MPRIP: variants seen among roughly 807,000 people sequenced by gnomAD.
MPRIP encodes myosin phosphatase Rho-interacting protein.
Under a neutral mutation model 234.9 loss-of-function variants are expected in MPRIP, and 59 were observed. That is an observed-to-expected ratio of 0.25 (90% confidence interval 0.20 to 0.31). The LOEUF is 0.31. Among genes scored for constraint, MPRIP ranks in the 10% least tolerant of loss-of-function variants. The pLI, the probability that MPRIP is intolerant of heterozygous loss-of-function variation, is 1.00. For missense variants in MPRIP, 2,436 were observed against 3,071.0 expected, an observed-to-expected ratio of 0.79 and a Z score of 4.89; for synonymous variants, 1,144 against 1,263.9, an observed-to-expected ratio of 0.91 and a Z score of 2.01.
At chr17:17,170,633 G>A (rs2046112246) in intron 16 of MPRIP, among the ~76,000 whole-genome samples, 1 of 152,236 alleles carries the variant, frequency 6.6e-6, no homozygotes, top group Admixed American at 6.5e-5. Flanking sequence ...AGTGGTGCAG[G>A]CTATCAGCCC....
chr17:17,183,380 T>C (rs1413862347), intron 23 of MPRIP: 1 of 152,222 alleles, frequency 6.6e-6, no homozygotes, highest in Non-Finnish European at 1.5e-5. Context: ...CACGCCCAGC[T>C]AATTTTTTGT....
intron 4 of MPRIP, among the ~76,000 whole-genome samples, chr17:17,128,469 C>T (rs954102157): frequency 2.0e-5 from 3 of 152,200 alleles, no homozygotes; most frequent in Non-Finnish European, 4.4e-5. Context: ...AGCCCCTCTC[C>T]TGGGTCACTT....
intron 1 of MPRIP, among the ~76,000 whole-genome samples, chr17:17,074,341 C>T (rs957549042): frequency 1.3e-5 from 2 of 152,228 alleles, no homozygotes; most frequent in African/African-American, 4.8e-5. Flanking sequence ...GAGTGTCTGT[C>T]TAGATTCCCC....
In MPRIP at chr17:17,164,434, T is replaced by C; in HGVS notation, c.2843T>C (p.Leu948Pro). ...LEERQHSEAA[L>P]SSQLRASEQK... ...GAGCGGCAACACAGCGAGGCGGCGC[T>C]GAGCAGCCAGCTGAGGGCTAGCGAG... Residue 948 changes from leucine to proline, a missense_variant, in exon 16 of 24, where the codon CTG becomes CCG. Leu to Pro is a moderately conservative substitution (Grantham distance 98, BLOSUM62 -3). Transcript: ENST00000651222. 7.9e-7 allele frequency: 1 copy of C among 1,263,100 alleles called. No individual in the cohort carries two copies. The highest frequency in any genetic ancestry group is 1.0e-6 in the Non-Finnish European group (1 of 973,874). The allele number at this position is 1,263,100 out of a possible 1,614,324, so 78.2% of individuals were successfully genotyped here.
intron 22 of MPRIP, chr17:17,179,497 T>C (rs1220832806): frequency 1.3e-5 from 2 of 150,006 alleles, no homozygotes; most frequent in Non-Finnish European, 3.0e-5. Context: ...ATGCACAGGA[T>C]GTGTGATATG....
intron 23 of MPRIP, chr17:17,181,880 G>A (rs1382706489): frequency 6.7e-6 from 1 of 148,248 alleles, no homozygotes; most frequent in Non-Finnish European, 1.5e-5. Flanking sequence ...AGGGATGAGG[G>A]AGCAGACTGT....
At chr17:17,120,503 G>A (rs1488552117) in intron 3 of MPRIP, among the ~76,000 whole-genome samples, 1 of 152,108 alleles carries the variant, frequency 6.6e-6, no homozygotes, top group African/African-American at 2.4e-5. Context: ...TCATCTCTTT[G>A]GAGAGAAGCC....
At chr17:17,101,885 C>T (rs1208241135) in intron 3 of MPRIP, among the ~76,000 whole-genome samples, 1 of 152,164 alleles carries the variant, frequency 6.6e-6, no homozygotes, top group African/African-American at 2.4e-5. Flanking sequence ...CTTGGCTCTA[C>T]ATCCTGATGT....
At chr17:17,111,105 TG>T (rs1305331241) in intron 3 of MPRIP, among the ~76,000 whole-genome samples, 1 of 148,654 alleles carries the variant, frequency 6.7e-6, no homozygotes, top group Non-Finnish European at 1.5e-5. Context: ...TTTCTGTAAA[TG>T]TGAATCTATT....
At position 17,167,754 on chromosome 17, in the gene MPRIP, G is replaced by T. The variant is rs148923934; in HGVS notation, c.6163G>T (p.Ala2055Ser). 9.6e-4 allele frequency: 1,254 copies of T among 1,304,140 alleles called. 26 individuals are homozygous for T. In the East Asian group the frequency reaches 0.046, roughly 48 times the overall value. 80.8% of individuals were successfully genotyped at this position (1,304,140 alleles called of 1,614,324 possible). Residue 2055 changes from alanine to serine, a missense_variant, in exon 16 of 24, where the codon GCC becomes TCC. Coordinates refer to ENST00000651222, the MANE Select transcript of MPRIP (RefSeq NM_001364716.4). This position sits in a 1 kb window ranked among gnomAD's most constrained non-coding sequence, Gnocchi z 5.9. ...GCCAGCCCCTGCCCCCAACTGGCAGGCCACCCAGGGAGAGGCTGACTCCAT... is the reference window on the plus strand; with the variant it reads ...GCCAGCCCCTGCCCCCAACTGGCAGTCCACCCAGGGAGAGGCTGACTCCAT... ...ALPAPAPNWQ[A>S]TQGEADSMTG...
chr17:17,165,373 C>A lies in MPRIP; in HGVS notation c.3782C>A (p.Thr1261Lys), dbSNP rs765718385. 1 of 1,304,084 alleles carries A rather than the reference C, an allele frequency of 7.7e-7. No individual in the cohort carries two copies. The highest frequency in any genetic ancestry group is 1.0e-6 in the Non-Finnish European group (1 of 988,980). 80.8% of individuals were successfully genotyped at this position (1,304,084 alleles called of 1,614,324 possible). ...AGGGCACCTCTAGGCCTCCCACACA[C>A]AAGGCTCGAGGATGAGGACGAGGAC... Reference protein sequence around the residue: ...ATRAPLGLPHTRLEDEDEDLG... With the variant: ...ATRAPLGLPHKRLEDEDEDLG... Residue 1261 changes from threonine to lysine, a missense_variant, in exon 16 of 24, where the codon ACA (threonine) becomes AAA (lysine). Thr to Lys is a moderately conservative substitution (Grantham distance 78, BLOSUM62 -1). Transcript: ENST00000651222.
chr17:17,064,322 G>A (rs1316626969), intron 1 of MPRIP, among the ~76,000 whole-genome samples: 3 of 151,780 alleles, frequency 2.0e-5, no homozygotes, highest in Non-Finnish European at 4.4e-5. Flanking sequence ...CTGCCTCGGC[G>A]TCCCAAGTAG....
At chr17:17,180,514 C>T (rs2046350318) in intron 23 of MPRIP, 1 of 1,155,156 alleles carries the variant, frequency 8.7e-7, no homozygotes, top group Non-Finnish European at 1.3e-6. Context: ...TGTCCAGAGC[C>T]AGCCATGCAC....
At chr17:17,046,048 G>T (rs1343935350) in intron 1 of MPRIP, among the ~76,000 whole-genome samples, 2 of 152,134 alleles carry the variant, frequency 1.3e-5, no homozygotes, top group East Asian at 3.8e-4. Context: ...CTCGTGATCC[G>T]CCTGCCTCGG....
chr17:17,166,019 G>A lies in MPRIP; in HGVS notation c.4428G>A (p.Leu1476=), dbSNP rs1488405257. 1 of 1,304,164 alleles carries A rather than the reference G, an allele frequency of 7.7e-7. No homozygotes were observed. Among genetic ancestry groups the A allele is most frequent in the South Asian group, 1.2e-5 (1 of 80,982 alleles). The allele number at this position is 1,304,164 out of a possible 1,614,324, so 80.8% of individuals were successfully genotyped here. A position where few individuals can be genotyped will look rare whatever the true frequency, so the allele number is the denominator to read the frequency against. Residue 1476 remains leucine (L), a synonymous_variant, in exon 16 of 24, where the codon CTG becomes CTA. Transcript: ENST00000651222. The surrounding 1 kb of genome is among the most constrained non-coding windows in gnomAD (Gnocchi z 4.4). The part of the protein sequence containing the change: ...GDFQVKNSQA[L]MCLENCREQL... ...TCCAGGTCAAGAATAGTCAGGCCCTGATGTGCCTGGAAAATTGCCGAGAAC... is the reference window on the plus strand; with the variant it reads ...TCCAGGTCAAGAATAGTCAGGCCCTAATGTGCCTGGAAAATTGCCGAGAAC...
intron 1 of MPRIP, among the ~76,000 whole-genome samples, 173 bp from the exon 2 acceptor site, chr17:17,075,537 C>G (rs570580820): frequency 3.3e-5 from 5 of 152,248 alleles, no homozygotes; most frequent in Admixed American, 1.3e-4. Context: ...GCAGAATCCC[C>G]GCCAGCCTCT....
At chr17:17,092,872 C>T (rs184480584) in intron 3 of MPRIP, among the ~76,000 whole-genome samples, 5 of 152,284 alleles carry the variant, frequency 3.3e-5, no homozygotes, top group East Asian at 3.9e-4. Flanking sequence ...GTGAGGAGAG[C>T]GCCCCGGCCA....
intron 23 of MPRIP, chr17:17,180,555 G>A (rs373423022): frequency 3.1e-5 from 48 of 1,539,396 alleles, no homozygotes; most frequent in African/African-American, 2.5e-4. Context: ...GAGCGGCACC[G>A]CGTGTGTTTG....
Position 17,052,337 on chromosome 17 carries a change from T to C in MPRIP, c.123+9366T>C, listed in dbSNP as rs575168868. ...TAGGGAGATTGGTATATTGCAGTGC[T>C]GCAGAATAAATCACAGCTGTTTCCT... On this transcript the variant is annotated intron_variant, in intron 1 of 23. Transcript: ENST00000651222. Among the ~76,000 whole-genome samples, 33 of 152,344 alleles carry C rather than the reference T, an allele frequency of 2.2e-4. No homozygotes were observed. The South Asian group carries it at 6.6e-3, about 31-fold the overall frequency.
Sources: gnomAD v4.1 joint callset for allele counts (sites outside exome capture counted in the v4.1 genomes callset) on GRCh38, gnomAD v4.1.1 for gene constraint, Gnocchi (gnomAD v3.1) non-coding constraint, MANE v1.5 for transcripts, NCBI Gene and HGNC (gene_info 2026-07-23, HGNC 2026-07-21) for gene names.